PCSK2: variants seen among roughly 807,000 people sequenced by gnomAD.
The protein encoded by PCSK2 is proprotein convertase subtilisin/kexin type 2.
PCSK2 carries 14 observed loss-of-function variants against 69.7 expected under a neutral mutation model. The ratio of observed to expected loss-of-function variants is 0.20; its 90% confidence interval spans 0.13 to 0.31. The LOEUF is 0.31. Ranked by LOEUF, PCSK2 falls within the 10% of genes least tolerant of loss-of-function variation. The pLI, the probability that PCSK2 is intolerant of heterozygous loss-of-function variation, is 1.00. For missense variants in PCSK2, 544 were observed against 842.5 expected, an observed-to-expected ratio of 0.65 and a Z score of 4.39; for synonymous variants, 307 against 320.7, an observed-to-expected ratio of 0.96 and a Z score of 0.46.
At chr20:17,411,458 G>A (rs2031870959) in intron 6 of PCSK2, among the ~76,000 whole-genome samples, 1 of 152,228 alleles carries the variant, frequency 6.6e-6, no homozygotes, top group African/African-American at 2.4e-5. Context: ...GATCTGCAAG[G>A]CAGCAGCCTG....
chr20:17,466,815 C>T (rs1184702559), intron 11 of PCSK2, among the ~76,000 whole-genome samples: 3 of 152,176 alleles, frequency 2.0e-5, no homozygotes, highest in Admixed American at 6.5e-5. Flanking sequence ...GCTTCCAGCT[C>T]GTCCACACGC....
chr20:17,331,206 T>C (rs1346503523), intron 2 of PCSK2, among the ~76,000 whole-genome samples: 1 of 152,210 alleles, frequency 6.6e-6, no homozygotes, highest in East Asian at 1.9e-4. Flanking sequence ...GCCCACTCCT[T>C]GTGGGCTGTG....
At chr20:17,333,944 A>ATATAT (rs1990277316) in intron 2 of PCSK2, among the ~76,000 whole-genome samples, 5 of 78,904 alleles carry the variant, frequency 6.3e-5, no homozygotes, top group East Asian at 1.0e-3. Flanking sequence ...TATGGCTTCA[A>ATATAT]ATCTAGATAG....
At chr20:17,454,617 A>G (rs6044833) in intron 9 of PCSK2, among the ~76,000 whole-genome samples, 21,011 of 152,212 alleles carry the variant, frequency 0.14, 1,527 homozygotes, top group African/African-American at 0.17. Context: ...GAAATACATC[A>G]TCTGTAAAGC....
chr20:17,316,526 A>C (rs1018044361), intron 2 of PCSK2, among the ~76,000 whole-genome samples: 1 of 152,156 alleles, frequency 6.6e-6, no homozygotes, highest in Non-Finnish European at 1.5e-5. Context: ...GACCATCTCC[A>C]AATAAACTAC....
chr20:17,391,097 C>A (rs2031359974), intron 5 of PCSK2, among the ~76,000 whole-genome samples: 1 of 152,098 alleles, frequency 6.6e-6, no homozygotes, highest in Non-Finnish European at 1.5e-5. Context: ...GTGAATATCC[C>A]TTTAGAATAA....
At chr20:17,450,017 CTTTTTTTTTTTTTTTTTT>C (rs61156656) in intron 8 of PCSK2, among the ~76,000 whole-genome samples, 1 of 61,802 alleles carries the variant, frequency 1.6e-5, no homozygotes, top group Non-Finnish European at 2.9e-5. Flanking sequence ...AATTTCTTCC[CTTTTTTTTTTTTTTTTTT>C]TTTTTTTTTT....
intron 2 of PCSK2, among the ~76,000 whole-genome samples, chr20:17,299,818 T>C (rs964606252): frequency 7.2e-5 from 11 of 152,176 alleles, no homozygotes; most frequent in Admixed American, 3.3e-4. Flanking sequence ...TATCAAATCA[T>C]TTCATTTTGG....
At chr20:17,309,968 G>T (rs1158885760) in intron 2 of PCSK2, among the ~76,000 whole-genome samples, 6 of 152,080 alleles carry the variant, frequency 3.9e-5, no homozygotes, top group African/African-American at 1.2e-4. Context: ...TCATAGTTTT[G>T]CAGGCTGTAC....
intron 5 of PCSK2, among the ~76,000 whole-genome samples, chr20:17,397,353 T>C (rs1279083751): frequency 1.3e-5 from 2 of 152,192 alleles, no homozygotes; most frequent in East Asian, 3.8e-4. Flanking sequence ...GAGTCAAAAA[T>C]AATTCAGACC....
intron 5 of PCSK2, among the ~76,000 whole-genome samples, chr20:17,400,771 C>T (rs528599530): frequency 1.1e-3 from 175 of 152,290 alleles, no homozygotes; most frequent in Non-Finnish European, 2.2e-3. Context: ...CCACTATCCA[C>T]TCTATTCTAC....
chr20:17,335,857 G>GGTGTGTGTGTGT lies in PCSK2; in HGVS notation c.283-22445_283-22434dup, dbSNP rs3138653. ...TTTTTCTGGCTGAGTAGTAGTCCAT[G>GGTGTGTGTGTGT]GTGTGTGTGTGTGTGTGTGTGTGTG... On this transcript the variant is annotated intron_variant, in intron 2 of 11. Transcript: ENST00000262545. Among the ~76,000 whole-genome samples, 575 of 142,800 alleles carry GGTGTGTGTGTGT rather than the reference G, an allele frequency of 4.0e-3. 2 individuals carry two copies. The highest frequency in any genetic ancestry group is 8.5e-3 in the African/African-American group (325 of 38,118). The allele number at this position is 142,800 out of a possible 152,430, so 93.7% of individuals were successfully genotyped here. A position where few individuals can be genotyped will look rare whatever the true frequency, so the allele number is the denominator to read the frequency against.
At chr20:17,439,098 G>A (rs1289788251) in intron 8 of PCSK2, among the ~76,000 whole-genome samples, 1 of 151,978 alleles carries the variant, frequency 6.6e-6, no homozygotes, top group Non-Finnish European at 1.5e-5. Context: ...CTAAGTGTGT[G>A]CCTATTACCA....
chr20:17,348,708 T>C (rs1213796807), intron 2 of PCSK2, among the ~76,000 whole-genome samples: 1 of 152,232 alleles, frequency 6.6e-6, no homozygotes, highest in Non-Finnish European at 1.5e-5. Context: ...GCTCTTTCCT[T>C]GGCCTGTAGA....
intron 2 of PCSK2, among the ~76,000 whole-genome samples, chr20:17,333,992 A>G (rs992070734): frequency 1.2e-4 from 17 of 144,322 alleles, no homozygotes; most frequent in Admixed American, 5.2e-4. Context: ...TGTTCAATTC[A>G]TCTGGCCCAT....
intron 2 of PCSK2, among the ~76,000 whole-genome samples, chr20:17,312,328 C>T (rs964079038): frequency 2.0e-5 from 3 of 152,158 alleles, no homozygotes; most frequent in Non-Finnish European, 4.4e-5. Flanking sequence ...AGTAAATCCT[C>T]TTTTCCTTGA....
chr20:17,227,177 GTC>G lies in PCSK2; in HGVS notation c.-125_-124del. On this transcript the variant is annotated 5_prime_UTR_variant, in exon 1 of 12. Transcript: ENST00000262545. ...TCGCTGCTTTCCAAGACCCTGTTCA[GTC>G]TCTTTCTCTATACAAAGATTTTTTT... 1 of 634,966 alleles carries G rather than the reference GTC, an allele frequency of 1.6e-6. No individual in the cohort carries two copies. Among genetic ancestry groups the G allele is most frequent in the South Asian group, 2.0e-5 (1 of 49,302 alleles). The allele number at this position is 634,966 out of a possible 1,614,324, so 39.3% of individuals were successfully genotyped here.
intron 1 of PCSK2, among the ~76,000 whole-genome samples, chr20:17,257,262 C>T (rs975621026): frequency 2.2e-4 from 33 of 152,048 alleles, no homozygotes; most frequent in African/African-American, 7.5e-4. Context: ...CATTAAACAG[C>T]CAGGAAACAA....
chr20:17,275,505 C>T (rs957772805), intron 2 of PCSK2, among the ~76,000 whole-genome samples: 1 of 152,000 alleles, frequency 6.6e-6, no homozygotes, highest in Admixed American at 6.6e-5. Flanking sequence ...AAGAAAGGTT[C>T]GAAAACTGTG....
Sources: allele counts gnomAD v4.1 joint callset (sites outside exome capture counted in the v4.1 genomes callset), GRCh38; gene constraint gnomAD v4.1.1; transcripts MANE v1.5; gene names NCBI Gene and HGNC (gene_info 2026-07-23, HGNC 2026-07-21).